KRABD2: variants seen among roughly 807,000 people sequenced by gnomAD.
KRABD2 encodes KRAB domain containing 2.
At chr17:8,370,874 G>C in the KRABD2 span, among the ~76,000 whole-genome samples, 1 of 152,070 alleles carries the variant, frequency 6.6e-6, no homozygotes, top group Non-Finnish European at 1.5e-5. Flanking sequence ...ATGATCAACA[G>C]AAACAATTTC....
At chr17:8,367,658 G>C in the KRABD2 span, among the ~76,000 whole-genome samples, 1 of 130,026 alleles carries the variant, frequency 7.7e-6, no homozygotes, top group Non-Finnish European at 1.7e-5. Flanking sequence ...GCGAGACCCT[G>C]TCTCAAAAAA....
At chr17:8,359,909 A>G in the KRABD2 span, 1 of 450,676 alleles carries the variant, frequency 2.2e-6, no homozygotes, top group Admixed American at 2.4e-5. Context: ...ATGTCATTCA[A>G]AGAACAGTAC....
the KRABD2 span, among the ~76,000 whole-genome samples, chr17:8,364,895 G>A: frequency 2.6e-5 from 4 of 151,976 alleles, no homozygotes; most frequent in African/African-American, 4.8e-5. The surrounding 1 kb of genome is among the most constrained non-coding windows in gnomAD (Gnocchi z 4.4). Flanking sequence ...TTAGCCAGGC[G>A]TGGTGGCGGG....
At chr17:8,375,791 G>A in the KRABD2 span, 69 of 737,626 alleles carry the variant, frequency 9.4e-5, no homozygotes, top group East Asian at 2.8e-3. Flanking sequence ...AAATGTGACC[G>A]TAAATCAATC....
At chr17:8,372,062 C>T in the KRABD2 span, 3 of 985,400 alleles carry the variant, frequency 3.0e-6, no homozygotes, top group African/African-American at 1.7e-5. The surrounding 1 kb of genome is among the most constrained non-coding windows in gnomAD (Gnocchi z 4.1). Context: ...AGATGCAGAG[C>T]GGAGGGGCAG....
chr17:8,363,852 TATATATA>T, the KRABD2 span, among the ~76,000 whole-genome samples: 182 of 89,174 alleles, frequency 2.0e-3, 1 homozygote, highest in Admixed American at 5.3e-3. Context: ...TATATATATA[TATATATA>T]TATTTATTTA....
At chr17:8,365,991 GT>G in the KRABD2 span, among the ~76,000 whole-genome samples, 10 of 151,914 alleles carry the variant, frequency 6.6e-5, no homozygotes, top group African/African-American at 1.7e-4. Flanking sequence ...GCCGGGCGTG[GT>G]TGGCGGGCGC....
At chr17:8,360,055 C>T in the KRABD2 span, 1 of 341,270 alleles carries the variant, frequency 2.9e-6, no homozygotes, top group Non-Finnish European at 5.8e-6. Flanking sequence ...GCTACGTACT[C>T]ACCCTGTAAT....
At chr17:8,370,457 G>T in the KRABD2 span, 1 of 956,996 alleles carries the variant, frequency 1.0e-6, no homozygotes. Context: ...TCCCTCTAAA[G>T]TTCCTCATCA....
At chr17:8,363,842 T>TC in the KRABD2 span, among the ~76,000 whole-genome samples, 1 of 80,908 alleles carries the variant, frequency 1.2e-5, no homozygotes, top group African/African-American at 4.8e-5. Context: ...TATATATATA[T>TC]ATATATATAT....
At chr17:8,373,149 C>CTCTCTG in the KRABD2 span, among the ~76,000 whole-genome samples, 1 of 150,082 alleles carries the variant, frequency 6.7e-6, no homozygotes, top group Non-Finnish European at 1.5e-5. Context: ...CTCTCTCCCT[C>CTCTCTG]TCTCCGTCTC....
chr17:8,372,084 G>A, the KRABD2 span: 1 of 985,230 alleles, frequency 1.0e-6, no homozygotes, highest in Admixed American at 6.2e-5. The surrounding 1 kb of genome is among the most constrained non-coding windows in gnomAD (Gnocchi z 4.1). Context: ...GCAGAATCCT[G>A]AGAAGCAGAG....
At chr17:8,376,575 C>T in the KRABD2 span, 2 of 986,712 alleles carry the variant, frequency 2.0e-6, no homozygotes, top group Non-Finnish European at 2.4e-6. Context: ...CAGCTCAGGG[C>T]TGAACGGCTG....
the KRABD2 span, chr17:8,370,058 C>T: frequency 2.5e-6 from 4 of 1,614,060 alleles, no homozygotes; most frequent in Middle Eastern, 4.9e-4. Flanking sequence ...GTACATAATA[C>T]CGTATTCGAT....
the KRABD2 span, among the ~76,000 whole-genome samples, chr17:8,360,566 G>C: frequency 1.3e-5 from 2 of 152,136 alleles, no homozygotes; most frequent in Non-Finnish European, 2.9e-5. Flanking sequence ...TAAGTTCAAA[G>C]GGATAGAATT....
At chr17:8,365,107 G>T in the KRABD2 span, among the ~76,000 whole-genome samples, 8 of 152,132 alleles carry the variant, frequency 5.3e-5, no homozygotes, top group Admixed American at 3.9e-4. Context: ...TGGCACACCG[G>T]TTAGTGACCT....
chr17:8,369,245 T>C, the KRABD2 span: 18 of 1,614,206 alleles, frequency 1.1e-5, no homozygotes, highest in Non-Finnish European at 1.5e-5. Flanking sequence ...TCTCAGCCCT[T>C]TCTTCCTGCC....
the KRABD2 span, among the ~76,000 whole-genome samples, chr17:8,367,976 G>C: frequency 2.9e-5 from 2 of 67,898 alleles, no homozygotes. Context: ...AAAAAAAAAA[G>C]TCCTGGTTGG....
chr17:8,374,642 A>T, the KRABD2 span, among the ~76,000 whole-genome samples: 3 of 150,614 alleles, frequency 2.0e-5, no homozygotes, highest in Non-Finnish European at 4.4e-5. Context: ...AAAAAAAAAA[A>T]AAAAAAAAAA....
Sources: allele counts gnomAD v4.1 joint callset (sites outside exome capture counted in the v4.1 genomes callset), GRCh38; gene constraint gnomAD v4.1.1; non-coding constraint Gnocchi (gnomAD v3.1); transcripts MANE v1.5; gene names NCBI Gene and HGNC (gene_info 2026-07-23, HGNC 2026-07-21).